Variants in LRFN2 observed in about 807,000 individuals in gnomAD.
The protein encoded by LRFN2 is leucine rich repeat and fibronectin type III domain containing 2.
In LRFN2, 18 loss-of-function variants were observed where a neutral mutation model predicts 37.3. The observed-to-expected ratio is 0.48, with a 90% CI of 0.33 to 0.72. The LOEUF (loss-of-function observed/expected upper bound fraction) is 0.72. Ranked by LOEUF, LRFN2 falls within the 30% of genes least tolerant of loss-of-function variation. The probability of loss-of-function intolerance (pLI) is 0.02; values close to 1 mark genes in which losing one functional copy is unlikely to be tolerated. For synonymous variants in LRFN2, 556 were observed against 466.6 expected (o/e 1.19, Z -2.47); for missense variants, 1,006 against 1,060.7 (o/e 0.95, Z 0.72).
intron 1 of LRFN2, among the ~76,000 whole-genome samples, chr6:40,571,050 C>A (rs191336850): frequency 8.5e-4 from 130 of 152,296 alleles, no homozygotes; most frequent in African/African-American, 1.8e-3. Flanking sequence ...CAAGAGGCCC[C>A]GGAAGCAGAG....
chr6:40,531,469 G>T (rs1766339675), intron 1 of LRFN2, among the ~76,000 whole-genome samples: 1 of 152,120 alleles, frequency 6.6e-6, no homozygotes, highest in South Asian at 2.1e-4. Flanking sequence ...GTTTAGGAGG[G>T]TCACAAAGTA....
chr6:40,505,574 C>T (rs1279581753), intron 1 of LRFN2, among the ~76,000 whole-genome samples: 1 of 152,226 alleles, frequency 6.6e-6, no homozygotes, highest in African/African-American at 2.4e-5. Flanking sequence ...CACACAAAGC[C>T]TTCCCTTGCC....
chr6:40,533,551 AC>A (rs1766391521), intron 1 of LRFN2, among the ~76,000 whole-genome samples: 3 of 151,762 alleles, frequency 2.0e-5, no homozygotes, highest in Admixed American at 6.6e-5. Context: ...CCTACCTCTC[AC>A]CCCCACCAAA....
At chr6:40,506,960 A>C (rs948796341) in intron 1 of LRFN2, among the ~76,000 whole-genome samples, 10 of 152,246 alleles carry the variant, frequency 6.6e-5, no homozygotes, top group African/African-American at 2.4e-4. Flanking sequence ...GTAGTTTTAT[A>C]CCTGTAAAGG....
intron 2 of LRFN2, among the ~76,000 whole-genome samples, chr6:40,402,005 T>G (rs1034958865): frequency 6.6e-6 from 1 of 152,092 alleles, no homozygotes; most frequent in African/African-American, 2.4e-5. Flanking sequence ...AGCCTTGAGA[T>G]CTCAGACTAC....
At chr6:40,463,816 A>G (rs1764400090) in intron 1 of LRFN2, among the ~76,000 whole-genome samples, 1 of 151,396 alleles carries the variant, frequency 6.6e-6, no homozygotes, top group South Asian at 2.1e-4. Context: ...AGCTGAGACT[A>G]CAGGCATGCA....
At chr6:40,566,155 C>T (rs1460815535) in intron 1 of LRFN2, among the ~76,000 whole-genome samples, 1 of 152,178 alleles carries the variant, frequency 6.6e-6, no homozygotes, top group Non-Finnish European at 1.5e-5. Context: ...CACTGGCCAT[C>T]AGAGAAATGC....
intron 1 of LRFN2, among the ~76,000 whole-genome samples, chr6:40,452,354 C>T (rs1231979383): frequency 6.6e-6 from 1 of 152,184 alleles, no homozygotes; most frequent in Non-Finnish European, 1.5e-5. Flanking sequence ...GGACTGCTCC[C>T]GTGATATTGC....
chr6:40,530,160 G>A (rs1373010603), intron 1 of LRFN2, among the ~76,000 whole-genome samples: 1 of 152,114 alleles, frequency 6.6e-6, no homozygotes, highest in Admixed American at 6.5e-5. Flanking sequence ...CCCATCCTCT[G>A]GACTCTGTGC....
chr6:40,582,397 G>A (rs537963473), intron 1 of LRFN2, among the ~76,000 whole-genome samples: 16 of 151,802 alleles, frequency 1.1e-4, no homozygotes, highest in African/African-American at 3.9e-4. Context: ...TGTTAATATT[G>A]GAAGGTTGCC....
intron 1 of LRFN2, among the ~76,000 whole-genome samples, chr6:40,558,889 G>A (rs1766939633): frequency 6.6e-6 from 1 of 152,282 alleles, no homozygotes; most frequent in Non-Finnish European, 1.5e-5. Flanking sequence ...ATCCAAAGCC[G>A]GGCTTGCCCG....
At chr6:40,566,300 C>T (rs10947899) in intron 1 of LRFN2, among the ~76,000 whole-genome samples, 77,182 of 151,852 alleles carry the variant, frequency 0.51, 19,962 homozygotes, top group Middle Eastern at 0.61. Context: ...TGTAAACTAG[C>T]TCAACCATTG....
At position 40,432,000 on chromosome 6, in the gene LRFN2, C is replaced by A. The variant is rs1763503178; in HGVS notation, c.1114G>T (p.Val372Leu). ...ANAAGEATAM[V>L]EVSIVQLPHL... ...GGCAGCTGGACGATGGAGACCTCCA[C>A]CATGGCCGTGGCCTCTCCGGCAGCA... is the stretch of plus-strand genomic sequence containing the variant. The change falls in exon 2 of 3, where the codon GTG becomes TTG. Residue 372 changes from valine to leucine, a missense_variant. Around this residue, in one of 4 missense-constraint regions of LRFN2, gnomAD observed 303 missense variants for 299.8 expected, o/e 1.01. Transcript: ENST00000338305. 1 of 1,613,712 alleles carries A rather than the reference C, an allele frequency of 6.2e-7. No individual in the cohort carries two copies. The highest frequency in any genetic ancestry group is 8.5e-7 in the Non-Finnish European group (1 of 1,180,018).
intron 1 of LRFN2, among the ~76,000 whole-genome samples, chr6:40,581,004 GTGTGTGTGTATGAA>G (rs1767387551): frequency 6.6e-6 from 1 of 152,122 alleles, no homozygotes; most frequent in South Asian, 2.1e-4. Flanking sequence ...ACTGGTGGGG[GTGTGTGTGTATGAA>G]TGTGTGTGTA....
intron 1 of LRFN2, among the ~76,000 whole-genome samples, chr6:40,545,285 G>T (rs1342345488): frequency 1.3e-5 from 2 of 152,184 alleles, no homozygotes; most frequent in Non-Finnish European, 2.9e-5. Flanking sequence ...GGGTGTAAAG[G>T]GCAGAGCCTC....
intron 1 of LRFN2, among the ~76,000 whole-genome samples, chr6:40,506,432 T>C (rs534433493): frequency 6.6e-6 from 1 of 152,304 alleles, no homozygotes; most frequent in African/African-American, 2.4e-5. Context: ...AAGGATACCC[T>C]CAGAAATCAT....
At chr6:40,396,775 G>T (rs1762626134) in intron 2 of LRFN2, among the ~76,000 whole-genome samples, 1 of 151,386 alleles carries the variant, frequency 6.6e-6, no homozygotes, top group South Asian at 2.1e-4. Context: ...GGCGGTAGGA[G>T]GAGTTGGGGT....
At chr6:40,454,564 T>G (rs1764195421) in intron 1 of LRFN2, among the ~76,000 whole-genome samples, 1 of 152,190 alleles carries the variant, frequency 6.6e-6, no homozygotes, top group Non-Finnish European at 1.5e-5. Context: ...AAATCATTTG[T>G]GATTGGCCAT....
At position 40,432,304 on chromosome 6, in the gene LRFN2, G is replaced by A; in HGVS notation, c.810C>T (p.Gly270=). The part of the protein sequence containing the change: ...DDLETCGSPG[G]LKGRYFWHVR... ...CATGCCAGAAGTAGCGACCCTTGAGGCCCCCTGGGGAGCCACAGGTTTCCA... is the reference window on the plus strand; with the variant it reads ...CATGCCAGAAGTAGCGACCCTTGAGACCCCCTGGGGAGCCACAGGTTTCCA... The change falls in exon 2 of 3, where the codon GGC becomes GGT. Residue 270 remains glycine, a synonymous_variant. Coordinates refer to ENST00000338305, the MANE Select transcript of LRFN2 (RefSeq NM_020737.3). 1 of 1,614,090 alleles carries A rather than the reference G, an allele frequency of 6.2e-7. No homozygotes were observed. The highest frequency in any genetic ancestry group is 8.5e-7 in the Non-Finnish European group (1 of 1,180,036).
Sources: gnomAD v4.1 joint callset for allele counts (sites outside exome capture counted in the v4.1 genomes callset) on GRCh38, gnomAD v4.1.1 for gene constraint, gnomAD v4.1.1 regional missense constraint, MANE v1.5 for transcripts, NCBI Gene and HGNC (gene_info 2026-07-23, HGNC 2026-07-21) for gene names.